Variants in DCX observed in about 807,000 individuals in gnomAD.
DCX encodes neuronal migration protein doublecortin.
In DCX, 4 loss-of-function variants were observed where a neutral mutation model predicts 20.9. That is an observed-to-expected ratio of 0.19 (90% confidence interval 0.09 to 0.44). The LOEUF is 0.44. DCX is among the 20% of genes least tolerant of loss of function. DCX has a pLI of 0.99. For synonymous variants in DCX, 103 were observed against 111.4 expected (o/e 0.92, Z 0.47); for missense variants, 133 against 296.9 (o/e 0.45, Z 4.06).
chrX:111,411,139 G>C (rs755446432), intron 1 of DCX: 25 of 456,336 alleles, frequency 5.5e-5, no homozygotes, highest in Non-Finnish European at 8.8e-5. Context: ...ACATTCATAA[G>C]AAATAAGCTG....
intron 6 of DCX, among the ~76,000 whole-genome samples, chrX:111,308,687 G>A (rs2095050842): frequency 9.0e-6 from 1 of 111,422 alleles, no homozygotes; most frequent in South Asian, 3.8e-4. Context: ...TGGAAACAGA[G>A]GAAAGTGCAT....
chrX:111,381,253 T>C (rs188356947), intron 3 of DCX, among the ~76,000 whole-genome samples: 3 of 110,491 alleles, frequency 2.7e-5, no homozygotes, highest in African/African-American at 9.8e-5. Flanking sequence ...CTTAACAAGG[T>C]TGAATTATTT....
chrX:111,310,658 T>A (rs1299764730), intron 6 of DCX, among the ~76,000 whole-genome samples: 1 of 112,258 alleles, frequency 8.9e-6, no homozygotes, highest in Non-Finnish European at 1.9e-5. Flanking sequence ...TTACTTAACA[T>A]TTGCTTGCTT....
chrX:111,327,884 C>A, intron 5 of DCX, among the ~76,000 whole-genome samples: 1 of 112,390 alleles, frequency 8.9e-6, no homozygotes, highest in South Asian at 3.7e-4. Context: ...TAAACAAACT[C>A]CGATGAAATG....
chrX:111,340,643 G>A (rs771200919), intron 3 of DCX, among the ~76,000 whole-genome samples: 3 of 111,422 alleles, frequency 2.7e-5, no homozygotes, highest in Non-Finnish European at 5.7e-5. Flanking sequence ...TGTGCCCCTC[G>A]AGGTCAGAGA....
At chrX:111,380,158 T>G (rs778645338) in intron 3 of DCX, among the ~76,000 whole-genome samples, 2 of 112,210 alleles carry the variant, frequency 1.8e-5, no homozygotes, top group South Asian at 7.3e-4. Context: ...TGATGTATCA[T>G]GTGCAGCACA....
At chrX:111,338,973 C>G (rs1324727024) in intron 3 of DCX, among the ~76,000 whole-genome samples, 1 of 111,507 alleles carries the variant, frequency 9.0e-6, no homozygotes, top group Non-Finnish European at 1.9e-5. Context: ...TCCCTGGCCT[C>G]ATCTTACTCA....
chrX:111,333,963 A>T (rs1921493299), intron 3 of DCX, among the ~76,000 whole-genome samples: 3 of 112,113 alleles, frequency 2.7e-5, no homozygotes, highest in Non-Finnish European at 5.6e-5. Context: ...TCTGTTAATT[A>T]GTCCAGCACA....
intron 3 of DCX, among the ~76,000 whole-genome samples, chrX:111,398,378 C>G (rs1023287561): frequency 4.5e-5 from 5 of 110,310 alleles, no homozygotes; most frequent in African/African-American, 6.6e-5. Context: ...TGCTTTTACC[C>G]TCCTTAGCAG....
intron 5 of DCX, among the ~76,000 whole-genome samples, chrX:111,327,379 A>G: frequency 1.8e-5 from 2 of 111,758 alleles, no homozygotes; most frequent in Middle Eastern, 4.7e-3. Flanking sequence ...GCTAACAGCT[A>G]AAAAAAATTG....
chrX:111,335,411 C>A (rs1409077106), intron 3 of DCX, among the ~76,000 whole-genome samples: 1 of 111,569 alleles, frequency 9.0e-6, no homozygotes, highest in Non-Finnish European at 1.9e-5. Flanking sequence ...CAGCTGCATG[C>A]AAAGAAGGTA....
At chrX:111,333,282 T>A in intron 3 of DCX, 129 bp from the exon 4 acceptor site, 1 of 526,714 alleles carries the variant, frequency 1.9e-6, no homozygotes, top group Non-Finnish European at 3.4e-6. Flanking sequence ...TTCTCTTTCT[T>A]AAAACACCTA....
intron 3 of DCX, among the ~76,000 whole-genome samples, chrX:111,376,284 G>T (rs1925527699): frequency 8.9e-6 from 1 of 111,993 alleles, no homozygotes; most frequent in South Asian, 3.7e-4. Flanking sequence ...CATGCATGCA[G>T]CAGTCAGAGT....
chrX:111,382,557 G>C (rs1336416732), intron 3 of DCX, among the ~76,000 whole-genome samples: 2 of 112,032 alleles, frequency 1.8e-5, no homozygotes, highest in Admixed American at 1.9e-4. Context: ...CTAGGGCTTT[G>C]AATGGCCTTA....
Position 111,408,625 on chromosome X carries a change from AAGAAAAG to A in DCX, c.364+1403_364+1409del, listed in dbSNP as rs1928404772. On this transcript the variant is annotated intron_variant, in intron 2 of 6. Transcript: ENST00000636035. The stretch of plus-strand genomic sequence containing the variant: ...AAAGAAAGAAAGGAAGAAAGAAAGA[AAGAAAAG>A]AGAAAGAAAGAAAGAAAGAAAGAAA... 1.0e-4 allele frequency among the ~76,000 whole-genome samples: 10 copies of A among 97,095 alleles called. No homozygotes were observed. The South Asian group carries it at 5.6e-3, about 54-fold the overall frequency. 84.3% of individuals were successfully genotyped at this position (97,095 alleles called of 115,157 possible).
intron 3 of DCX, among the ~76,000 whole-genome samples, chrX:111,361,139 A>G (rs992328068): frequency 2.7e-5 from 3 of 112,187 alleles, no homozygotes; most frequent in Non-Finnish European, 5.6e-5. Context: ...AGTGTACAGA[A>G]AAGTGCTAGA....
intron 5 of DCX, among the ~76,000 whole-genome samples, chrX:111,323,034 C>G (rs919603786): frequency 2.7e-5 from 3 of 111,395 alleles, no homozygotes; most frequent in African/African-American, 9.8e-5. Flanking sequence ...GATGGAAGTG[C>G]CAGAATTGTT....
At chrX:111,409,681 A>T (rs764003298) in intron 2 of DCX, among the ~76,000 whole-genome samples, 11 of 112,202 alleles carry the variant, frequency 9.8e-5, no homozygotes, top group Non-Finnish European at 2.1e-4. Context: ...TAACCCAACC[A>T]AATGTCCTTC....
chrX:111,379,680 G>A lies in DCX; in HGVS notation c.705+21310C>T, dbSNP rs142135078. ...GAATAATGCTGTTTTGAATATCTGC[G>A]TGCAAGGTTTTCTGTAGACATACAT... On this transcript the variant is annotated intron_variant, in intron 3 of 6. Transcript: ENST00000636035. Among the ~76,000 whole-genome samples the A allele has an allele frequency of 7.1e-3, 794 of 111,272 alleles. 2 individuals carry two copies. The highest frequency in any genetic ancestry group is 0.024 in the African/African-American group (723 of 30,673).
Sources: allele counts gnomAD v4.1 joint callset (sites outside exome capture counted in the v4.1 genomes callset), GRCh38; gene constraint gnomAD v4.1.1; transcripts MANE v1.5; gene names NCBI Gene and HGNC (gene_info 2026-07-23, HGNC 2026-07-21).